The following NCKAP5 variants were observed in gnomAD, a reference collection of about 807,000 sequenced individuals.
NCKAP5 encodes NCK associated protein 5, also known as nck-associated protein 5.
NCKAP5 carries 92 observed loss-of-function variants against 167.0 expected under a neutral mutation model. That is an observed-to-expected ratio of 0.55 (90% CI 0.47 to 0.66). The LOEUF (loss-of-function observed/expected upper bound fraction) is 0.66, where lower values mean the gene tolerates loss of function less well. Ranked by LOEUF, NCKAP5 falls within the 30% of genes least tolerant of loss-of-function variation. The probability of loss-of-function intolerance (pLI) is 0.00; values close to 1 mark genes in which losing one functional copy is unlikely to be tolerated. For synonymous variants in NCKAP5, 891 were observed against 877.4 expected (o/e 1.02, Z -0.27); for missense variants, 2,378 against 2,315.0 (o/e 1.03, Z -0.56).
At position 132,813,913 on chromosome 2, in the gene NCKAP5, T is replaced by C. The variant is rs150511487; in HGVS notation, c.808-17184A>G. 2.7e-4 allele frequency among the ~76,000 whole-genome samples: 41 copies of C among 152,286 alleles called. 1 individual carries two copies. The East Asian group carries it at 7.7e-3, about 29-fold the overall frequency. Reference sequence around the variant, plus strand: ...GACCTTCACAGCCTGCAATATTGACTCTCACAGTATTCCACTGCATGGGGG... The same window carrying C: ...GACCTTCACAGCCTGCAATATTGACCCTCACAGTATTCCACTGCATGGGGG... On this transcript the variant is annotated intron_variant, in intron 11 of 19. Coordinates refer to ENST00000409261, the MANE Select transcript of NCKAP5 (RefSeq NM_207363.3).
chr2:132,701,282 G>C (rs1479890970), intron 19 of NCKAP5, among the ~76,000 whole-genome samples: 1 of 152,050 alleles, frequency 6.6e-6, no homozygotes, highest in Non-Finnish European at 1.5e-5. Context: ...AATGAGGGCG[G>C]GATAAGAGAG....
chr2:133,547,170 C>A (rs567027675), intron 2 of NCKAP5, among the ~76,000 whole-genome samples: 1 of 152,230 alleles, frequency 6.6e-6, no homozygotes, highest in East Asian at 1.9e-4. Flanking sequence ...CTATTCGGAC[C>A]GGCTTAAAAA....
chr2:133,000,244 C>T (rs1031071968), intron 6 of NCKAP5, among the ~76,000 whole-genome samples: 2 of 152,040 alleles, frequency 1.3e-5, no homozygotes, highest in African/African-American at 2.4e-5. Context: ...GAAATTGTGT[C>T]GATTTAAGAA....
At chr2:133,419,005 GGTT>G (rs757072822) in intron 3 of NCKAP5, among the ~76,000 whole-genome samples, 2 of 152,172 alleles carry the variant, frequency 1.3e-5, no homozygotes, top group East Asian at 3.9e-4. Flanking sequence ...AAGGCTGAGA[GGTT>G]GTGTCCCAAG....
At chr2:133,472,363 T>C (rs757997548) in intron 3 of NCKAP5, among the ~76,000 whole-genome samples, 5 of 152,218 alleles carry the variant, frequency 3.3e-5, no homozygotes, top group Non-Finnish European at 5.9e-5. Context: ...GAGCATCTTA[T>C]GCTTCTAGAC....
intron 8 of NCKAP5, among the ~76,000 whole-genome samples, 200 bp from the exon 9 acceptor site, chr2:132,879,116 A>G (rs1691551066): frequency 6.6e-6 from 1 of 152,220 alleles, no homozygotes; most frequent in Non-Finnish European, 1.5e-5. Context: ...ACTAAAATAC[A>G]TGAGAACTTA....
chr2:132,837,570 C>A (rs1320531603), intron 11 of NCKAP5, among the ~76,000 whole-genome samples: 2 of 149,170 alleles, frequency 1.3e-5, no homozygotes, highest in African/African-American at 2.5e-5. Context: ...TTTTTTTTTG[C>A]ATTTTTCTTA....
chr2:132,885,674 G>A (rs947862837), intron 8 of NCKAP5, among the ~76,000 whole-genome samples: 7 of 152,224 alleles, frequency 4.6e-5, no homozygotes, highest in African/African-American at 1.7e-4. Flanking sequence ...ATACGTAAAA[G>A]GAACTGTGTT....
chr2:132,758,394 A>C (rs1235095807), intron 16 of NCKAP5, among the ~76,000 whole-genome samples: 2 of 152,222 alleles, frequency 1.3e-5, no homozygotes, highest in Non-Finnish European at 2.9e-5. Context: ...AAATAAATAC[A>C]TGAATCACTG....
At chr2:133,556,463 C>A (rs1344193586) in intron 2 of NCKAP5, among the ~76,000 whole-genome samples, 3 of 152,130 alleles carry the variant, frequency 2.0e-5, no homozygotes, top group African/African-American at 4.8e-5. Context: ...AAACGCCCCA[C>A]GTGGGATTAA....
intron 5 of NCKAP5, among the ~76,000 whole-genome samples, chr2:133,130,694 AC>A (rs2082569680): frequency 6.6e-6 from 1 of 152,232 alleles, no homozygotes; most frequent in Admixed American, 6.5e-5. Context: ...CATCTCACGA[AC>A]GGGTATCAGG....
intron 5 of NCKAP5, among the ~76,000 whole-genome samples, chr2:133,133,734 A>G (rs2082689596): frequency 6.6e-6 from 1 of 152,226 alleles, no homozygotes; most frequent in Non-Finnish European, 1.5e-5. Flanking sequence ...TTTACATTTT[A>G]CAAAATGTGT....
At chr2:133,456,707 A>G (rs1454671301) in intron 3 of NCKAP5, among the ~76,000 whole-genome samples, 1 of 152,156 alleles carries the variant, frequency 6.6e-6, no homozygotes, top group Non-Finnish European at 1.5e-5. Context: ...ATTAGTCTGA[A>G]ATTATTTTTC....
rs548168684 is a variant in NCKAP5, at chr2:133,512,753, G to T, written c.69+4705C>A. Among the ~76,000 whole-genome samples, 4 of 152,272 alleles carry T rather than the reference G, an allele frequency of 2.6e-5. No homozygotes were observed. In the East Asian group the frequency reaches 5.8e-4, roughly 22 times the overall value. On this transcript the variant is annotated intron_variant, in intron 3 of 19. Coordinates refer to ENST00000409261, the MANE Select transcript of NCKAP5 (RefSeq NM_207363.3). ...AGTAATGACATGAATTGGCACCAAA[G>T]GATGCAGGACCAATATCCTTGGGTT...
chr2:133,085,374 A>G (rs2080952299), intron 6 of NCKAP5, among the ~76,000 whole-genome samples: 1 of 152,214 alleles, frequency 6.6e-6, no homozygotes, highest in African/African-American at 2.4e-5. Context: ...ATTCTAAAAA[A>G]TAAAATAAAG....
chr2:133,322,375 A>G (rs1002751485), intron 3 of NCKAP5, among the ~76,000 whole-genome samples: 4 of 152,254 alleles, frequency 2.6e-5, no homozygotes, highest in Admixed American at 1.3e-4. Flanking sequence ...GCAGGTAGAA[A>G]TGAAAGCTTA....
intron 3 of NCKAP5, among the ~76,000 whole-genome samples, chr2:133,337,938 A>G (rs949702027): frequency 1.3e-5 from 2 of 152,222 alleles, no homozygotes; most frequent in African/African-American, 4.8e-5. Flanking sequence ...TTTTGCCCCT[A>G]AAGTTAATAA....
At chr2:133,436,870 C>A (rs1409024644) in intron 3 of NCKAP5, among the ~76,000 whole-genome samples, 1 of 152,036 alleles carries the variant, frequency 6.6e-6, no homozygotes, top group Non-Finnish European at 1.5e-5. Context: ...ATGGTTTATA[C>A]CTGCTGTCTC....
rs77777449 is a variant in NCKAP5, at chr2:133,442,820, G to C, written c.69+74638C>G. Among the ~76,000 whole-genome samples the C allele has an allele frequency of 7.4e-3, 1,122 of 152,348 alleles. 17 individuals carry two copies. The highest frequency in any genetic ancestry group is 0.025 in the African/African-American group (1,045 of 41,594). ...GACAGCCTCATGTCAGGCTGTGTCA[G>C]GCAGCTGCTCAGATGGCAAGGCCTG... On this transcript the variant is annotated intron_variant, in intron 3 of 19. Transcript: ENST00000409261.
Sources: gnomAD v4.1 joint callset for allele counts (sites outside exome capture counted in the v4.1 genomes callset) on GRCh38, gnomAD v4.1.1 for gene constraint, MANE v1.5 for transcripts, NCBI Gene and HGNC (gene_info 2026-07-23, HGNC 2026-07-21) for gene names.